The following DACH2 variants were observed in gnomAD, a reference collection of about 807,000 sequenced individuals.
DACH2 encodes dachshund family transcription factor 2, also known as dachshund homolog 2.
A neutral mutation model predicts 35.8 loss-of-function variants in DACH2; 17 were observed. The observed-to-expected ratio is 0.48, with a 90% CI of 0.33 to 0.71. The LOEUF is 0.71. Ranked by LOEUF, DACH2 falls within the 30% of genes least tolerant of loss-of-function variation. DACH2 has a pLI of 0.02. For synonymous variants in DACH2, 195 were observed against 177.3 expected (o/e 1.10, Z -0.79); for missense variants, 469 against 472.7 (o/e 0.99, Z 0.07).
intron 2 of DACH2, among the ~76,000 whole-genome samples, chrX:86,450,048 AC>A (rs1405116595): frequency 9.0e-6 from 1 of 111,104 alleles, no homozygotes; most frequent in African/African-American, 3.3e-5. Flanking sequence ...TTTAGTATCT[AC>A]CTTTTATGTC....
intron 2 of DACH2, among the ~76,000 whole-genome samples, chrX:86,439,722 A>T (rs768933095): frequency 4.5e-4 from 50 of 111,087 alleles, no homozygotes; most frequent in African/African-American, 1.6e-3. Context: ...TAGATTATTA[A>T]TTTTATATTT....
At chrX:86,182,438 A>G (rs1029744562) in intron 1 of DACH2, among the ~76,000 whole-genome samples, 60 of 112,239 alleles carry the variant, frequency 5.3e-4, no homozygotes, top group Admixed American at 9.5e-4. Context: ...TTTATTAAGT[A>G]GGGAATCCTT....
chrX:86,779,120 C>A (rs1159927009), intron 7 of DACH2, among the ~76,000 whole-genome samples: 2 of 111,438 alleles, frequency 1.8e-5, no homozygotes, highest in Non-Finnish European at 3.8e-5. Context: ...ATATTAATGT[C>A]TATTACCTAT....
chrX:86,221,502 C>CG (rs1207590143), intron 1 of DACH2, among the ~76,000 whole-genome samples: 4 of 111,790 alleles, frequency 3.6e-5, no homozygotes, highest in Non-Finnish European at 5.6e-5. Flanking sequence ...GTGAGGCCAT[C>CG]AGCTTTGTTC....
intron 6 of DACH2, among the ~76,000 whole-genome samples, chrX:86,737,259 T>A (rs1383220154): frequency 9.0e-6 from 1 of 111,517 alleles, no homozygotes; most frequent in Non-Finnish European, 1.9e-5. Context: ...TATTTCTTTT[T>A]ATTTTTCCGT....
intron 3 of DACH2, among the ~76,000 whole-genome samples, chrX:86,563,195 C>T (rs894948679): frequency 2.7e-5 from 3 of 109,174 alleles, no homozygotes; most frequent in Non-Finnish European, 5.7e-5. Context: ...AGAGACTGAT[C>T]ATTGGATTTC....
intron 7 of DACH2, among the ~76,000 whole-genome samples, chrX:86,789,300 C>T (rs1351220950): frequency 9.0e-6 from 1 of 111,700 alleles, no homozygotes; most frequent in East Asian, 2.8e-4. Flanking sequence ...TTTTGTGTGG[C>T]TTTCCAGCAA....
At chrX:86,743,926 C>T (rs1377523536) in intron 7 of DACH2, among the ~76,000 whole-genome samples, 1 of 111,116 alleles carries the variant, frequency 9.0e-6, no homozygotes, top group Non-Finnish European at 1.9e-5. Flanking sequence ...CCCACCATGT[C>T]ATGATTATTT....
intron 6 of DACH2, among the ~76,000 whole-genome samples, chrX:86,722,452 G>C (rs928896445): frequency 3.6e-5 from 4 of 110,951 alleles, no homozygotes; most frequent in Non-Finnish European, 7.5e-5. Flanking sequence ...GGGCTCAAGT[G>C]ATTCTCCCAC....
chrX:86,230,940 C>T (rs2032935669), intron 1 of DACH2, among the ~76,000 whole-genome samples: 1 of 111,970 alleles, frequency 8.9e-6, no homozygotes, highest in Non-Finnish European at 1.9e-5. Flanking sequence ...GAACCAGCTT[C>T]TTGTTTCATT....
intron 1 of DACH2, among the ~76,000 whole-genome samples, chrX:86,229,016 C>A (rs2032889597): frequency 9.0e-6 from 1 of 111,406 alleles, no homozygotes; most frequent in Middle Eastern, 4.7e-3. Context: ...TTGCTTTTGG[C>A]TTTTTGGTCA....
chrX:86,718,074 G>T (rs1199545478), intron 6 of DACH2, among the ~76,000 whole-genome samples: 1 of 110,256 alleles, frequency 9.1e-6, no homozygotes, highest in Non-Finnish European at 1.9e-5. Context: ...AGTTCTTTGA[G>T]AAATCTCCAT....
intron 1 of DACH2, among the ~76,000 whole-genome samples, chrX:86,326,233 T>C (rs1345937876): frequency 9.1e-6 from 1 of 110,270 alleles, no homozygotes; most frequent in African/African-American, 3.3e-5. Flanking sequence ...TCCCAGCACT[T>C]TGGGAGGCTG....
At chrX:86,425,218 TCTC>T (rs1232479173) in intron 2 of DACH2, among the ~76,000 whole-genome samples, 4 of 110,943 alleles carry the variant, frequency 3.6e-5, no homozygotes, top group Admixed American at 9.6e-5. Context: ...TATTCCTTCT[TCTC>T]CTGTTTTTTT....
At chrX:86,533,094 G>T (rs2038747596) in intron 3 of DACH2, among the ~76,000 whole-genome samples, 2 of 108,106 alleles carry the variant, frequency 1.9e-5, no homozygotes, top group African/African-American at 6.7e-5. Flanking sequence ...CTGTTGCCCA[G>T]GCTGCAGGGC....
chrX:86,266,328 C>T (rs372842379), intron 1 of DACH2, among the ~76,000 whole-genome samples: 123 of 111,362 alleles, frequency 1.1e-3, no homozygotes, highest in African/African-American at 3.8e-3. Context: ...TTCAATTTAC[C>T]TGAACTGTGC....
At chrX:86,253,509 A>C (rs2033443602) in intron 1 of DACH2, among the ~76,000 whole-genome samples, 1 of 111,847 alleles carries the variant, frequency 8.9e-6, no homozygotes, top group South Asian at 3.7e-4. Flanking sequence ...ATTTTTGAAA[A>C]CCTTCAACAA....
At chrX:86,442,573 T>C (rs764471080) in intron 2 of DACH2, among the ~76,000 whole-genome samples, 9 of 110,478 alleles carry the variant, frequency 8.1e-5, no homozygotes, top group Non-Finnish European at 1.7e-4. Context: ...ATTTGTTTCT[T>C]TTTGCTTTTG....
intron 1 of DACH2, among the ~76,000 whole-genome samples, chrX:86,312,852 C>T (rs1294091522): frequency 9.0e-6 from 1 of 111,288 alleles, no homozygotes; most frequent in East Asian, 2.8e-4. Flanking sequence ...TTCTGTCCCT[C>T]TCAGAGAACT....
Sources: gnomAD v4.1 joint callset for allele counts (sites outside exome capture counted in the v4.1 genomes callset) on GRCh38, gnomAD v4.1.1 for gene constraint, MANE v1.5 for transcripts, NCBI Gene and HGNC (gene_info 2026-07-23, HGNC 2026-07-21) for gene names.